DCLK1: variants seen among roughly 807,000 people sequenced by gnomAD.
DCLK1 encodes serine/threonine-protein kinase DCLK1.
Under a neutral mutation model 86.2 loss-of-function variants are expected in DCLK1, and 16 were observed. The observed-to-expected ratio is 0.19, with a 90% CI of 0.13 to 0.28. DCLK1 has a LOEUF of 0.28. Ranked by LOEUF, DCLK1 falls within the 10% of genes least tolerant of loss-of-function variation. The probability of loss-of-function intolerance (pLI) is 1.00; values close to 1 mark genes in which losing one functional copy is unlikely to be tolerated. For synonymous variants in DCLK1, 369 were observed against 370.5 expected (o/e 1.00, Z 0.05); for missense variants, 590 against 940.2 (o/e 0.63, Z 4.87).
intron 11 of DCLK1, among the ~76,000 whole-genome samples, chr13:35,811,398 G>A (rs2087140189): frequency 6.6e-6 from 1 of 151,758 alleles, no homozygotes; most frequent in Non-Finnish European, 1.5e-5. Context: ...TTGGTGGTAG[G>A]ATTACAGGTT....
At chr13:35,960,878 T>G (rs1188466653) in intron 3 of DCLK1, among the ~76,000 whole-genome samples, 1 of 152,260 alleles carries the variant, frequency 6.6e-6, no homozygotes, top group Admixed American at 6.5e-5. Context: ...TGTCTCATAT[T>G]ACTGATGGCC....
At chr13:35,855,552 T>C in intron 5 of DCLK1, 1 of 1,600,446 alleles carries the variant, frequency 6.2e-7, no homozygotes, top group Non-Finnish European at 8.5e-7. Flanking sequence ...GTGTTGGACC[T>C]GAATACCAAC....
intron 3 of DCLK1, among the ~76,000 whole-genome samples, chr13:36,003,439 C>T (rs543399623): frequency 2.6e-5 from 4 of 152,086 alleles, no homozygotes; most frequent in Non-Finnish European, 4.4e-5. Context: ...AGCAATTTTA[C>T]GACATATAAC....
chr13:35,790,899 T>C (rs945516733), intron 16 of DCLK1, among the ~76,000 whole-genome samples: 1 of 152,104 alleles, frequency 6.6e-6, no homozygotes, highest in African/African-American at 2.4e-5. Context: ...ATTTTAAGAA[T>C]GAAAAAATGG....
chr13:35,845,972 A>T, intron 6 of DCLK1: 1 of 985,400 alleles, frequency 1.0e-6, no homozygotes, highest in Non-Finnish European at 1.2e-6. Flanking sequence ...AAGAGGAATA[A>T]CATGGTCCAG....
At chr13:35,811,114 A>G (rs3764059) in intron 11 of DCLK1, 146 bp from the exon 12 acceptor site, 204,068 of 921,078 alleles carry the variant, frequency 0.22, 25,341 homozygotes, top group African/African-American at 0.42. Flanking sequence ...ATATACATAC[A>G]AAATAGCTTA....
At chr13:35,934,820 C>T (rs953757504) in intron 4 of DCLK1, among the ~76,000 whole-genome samples, 2 of 152,122 alleles carry the variant, frequency 1.3e-5, no homozygotes, top group Non-Finnish European at 2.9e-5. Flanking sequence ...CTCCTAACAT[C>T]GCTTTCATTA....
At chr13:35,984,759 C>T (rs1879817914) in intron 3 of DCLK1, among the ~76,000 whole-genome samples, 1 of 152,144 alleles carries the variant, frequency 6.6e-6, no homozygotes, top group African/African-American at 2.4e-5. Flanking sequence ...TCCCCTGATC[C>T]AGGTATCACC....
At chr13:35,905,829 G>T (rs1470048378) in intron 4 of DCLK1, among the ~76,000 whole-genome samples, 1 of 148,230 alleles carries the variant, frequency 6.7e-6, no homozygotes, top group African/African-American at 2.6e-5. Flanking sequence ...GGGACTGTGG[G>T]CTCCGTCTCA....
rs1239508681 is a variant in DCLK1, at chr13:35,769,607, A to G, written c.*4928T>C. 6.6e-6 allele frequency: 1 copy of G among 152,180 alleles called. No homozygotes were observed. Among genetic ancestry groups the G allele is most frequent in the African/African-American group, 2.4e-5 (1 of 41,448 alleles). 9.4% of individuals were successfully genotyped at this position (152,180 alleles called of 1,614,324 possible). ...GAGAACTATTCAAGGACTTTTTCTT[A>G]CTACATTTGATTGGACTGGAGTGAA... On this transcript the variant is annotated 3_prime_UTR_variant, in exon 17 of 17. Coordinates refer to ENST00000360631, the MANE Select transcript of DCLK1 (RefSeq NM_001330071.2).
At chr13:36,033,105 T>G (rs576512546) in intron 3 of DCLK1, among the ~76,000 whole-genome samples, 3 of 152,316 alleles carry the variant, frequency 2.0e-5, no homozygotes, top group African/African-American at 7.2e-5. Flanking sequence ...GCTGGAGATT[T>G]CTTTCTTGGC....
intron 3 of DCLK1, among the ~76,000 whole-genome samples, chr13:36,083,832 T>G (rs1047974859): frequency 1.3e-5 from 2 of 152,158 alleles, no homozygotes; most frequent in Admixed American, 1.3e-4. Flanking sequence ...AAGAGAAAAC[T>G]TTTTCTTTAA....
chr13:35,965,684 G>T (rs1162169451), intron 3 of DCLK1, among the ~76,000 whole-genome samples: 4 of 152,090 alleles, frequency 2.6e-5, no homozygotes. Context: ...TAGGAAGACT[G>T]ACTGGAAGCC....
chr13:35,934,376 C>A (rs1017806337), intron 4 of DCLK1, among the ~76,000 whole-genome samples: 1 of 152,114 alleles, frequency 6.6e-6, no homozygotes, highest in African/African-American at 2.4e-5. Flanking sequence ...AAGATATACC[C>A]GAGACTGGGC....
chr13:35,849,243 T>C, intron 6 of DCLK1: 1 of 985,408 alleles, frequency 1.0e-6, no homozygotes, highest in Non-Finnish European at 1.2e-6. Context: ...TGGTAAAATT[T>C]GCTAGTTGAA....
At chr13:36,124,002 G>A (rs1037225489) in intron 2 of DCLK1, among the ~76,000 whole-genome samples, 1 of 152,174 alleles carries the variant, frequency 6.6e-6, no homozygotes, top group Admixed American at 6.5e-5. Context: ...TCATTTCTGG[G>A]TGGGAAACTG....
At chr13:35,883,288 C>T (rs540173547) in intron 4 of DCLK1, among the ~76,000 whole-genome samples, 3 of 152,220 alleles carry the variant, frequency 2.0e-5, no homozygotes, top group East Asian at 1.9e-4. Flanking sequence ...ATGGATCCCT[C>T]GAGAATGTCT....
In DCLK1 at chr13:35,865,171, TA is replaced by T. The variant is rs538255817; in HGVS notation, c.940+6052del. ...TTTTATTATAATTTCCCTGTGTAGA[TA>T]AAAAAAATTGCTTAAAAGAATTTTA... On this transcript the variant is annotated intron_variant, in intron 5 of 16. Transcript: ENST00000360631. 2.4e-3 allele frequency among the ~76,000 whole-genome samples: 367 copies of T among 152,038 alleles called. 1 individual carries two copies. The highest frequency in any genetic ancestry group is 8.1e-3 in the African/African-American group (336 of 41,466).
intron 3 of DCLK1, among the ~76,000 whole-genome samples, chr13:36,103,404 TAA>T (rs71084406): frequency 7.3e-4 from 80 of 109,026 alleles, no homozygotes; most frequent in East Asian, 3.1e-3. Context: ...ACACCTGTCT[TAA>T]AAAAAAAAAA....
Sources: allele counts gnomAD v4.1 joint callset (sites outside exome capture counted in the v4.1 genomes callset), GRCh38; gene constraint gnomAD v4.1.1; transcripts MANE v1.5; gene names NCBI Gene and HGNC (gene_info 2026-07-23, HGNC 2026-07-21).